Variants in DOCK5 observed in about 807,000 individuals in gnomAD.
DOCK5 encodes the protein dedicator of cytokinesis protein 5.
A neutral mutation model predicts 251.8 loss-of-function variants in DOCK5; 142 were observed. The observed-to-expected ratio is 0.56, with a 90% CI of 0.49 to 0.65. The LOEUF is 0.65. DOCK5 is among the 30% of genes least tolerant of loss of function. The pLI, the probability that DOCK5 is intolerant of heterozygous loss-of-function variation, is 0.00. For missense variants in DOCK5, 2,111 were observed against 2,312.3 expected (o/e 0.91, Z 1.79); for synonymous variants, 842 against 835.5 (o/e 1.01, Z -0.13).
Position 25,325,520 on chromosome 8 carries a change from A to G in DOCK5, c.1876A>G (p.Ile626Val), listed in dbSNP as rs542835101. Residue 626 changes from isoleucine to valine, a missense_variant, in exon 18 of 52, where the codon ATC becomes GTC. Physicochemically the swap from Ile to Val is conservative, Grantham distance 29 (BLOSUM62 3). This residue lies in a region of DOCK5 where 1,717 missense variants were observed against 1,892.4 expected (regional missense o/e 0.91). Coordinates refer to ENST00000276440, the MANE Select transcript of DOCK5 (RefSeq NM_024940.8). ...AGACAGCTTTCAGATTGCCACCCTC[A>G]TCTGCTCCACAAAGCTCACCCAGAA... ...TKDSFQIATL[I>V]CSTKLTQNVD... 1.2e-6 allele frequency: 2 copies of G among 1,613,766 alleles called. No homozygotes were observed. Among genetic ancestry groups the G allele is most frequent in the South Asian group, 1.1e-5 (1 of 91,072 alleles).
At chr8:25,383,029 C>G (rs968740562) in intron 40 of DOCK5, among the ~76,000 whole-genome samples, 8 of 152,132 alleles carry the variant, frequency 5.3e-5, no homozygotes, top group African/African-American at 1.2e-4. Context: ...AACCATCCCC[C>G]GCACTGGTCA....
intron 12 of DOCK5, among the ~76,000 whole-genome samples, chr8:25,309,612 A>G (rs1213812044): frequency 1.3e-5 from 2 of 152,238 alleles, no homozygotes; most frequent in African/African-American, 2.4e-5. Flanking sequence ...ACAGATGAAT[A>G]TGTATTAATA....
intron 1 of DOCK5, among the ~76,000 whole-genome samples, chr8:25,211,829 A>T (rs115158017): frequency 0.019 from 1,292 of 68,588 alleles, 377 homozygotes; most frequent in African/African-American, 0.041. Context: ...ATTAATTAAT[A>T]AATGCTATCT....
At chr8:25,319,436 C>T (rs1250592870) in intron 14 of DOCK5, 142 bp from the exon 15 acceptor site, 11 of 528,594 alleles carry the variant, frequency 2.1e-5, no homozygotes, top group Admixed American at 3.4e-5. Flanking sequence ...TTCTTCATCC[C>T]CCAAACTTAA....
chr8:25,318,432 C>CT (rs570705289), intron 14 of DOCK5, among the ~76,000 whole-genome samples: 8 of 150,472 alleles, frequency 5.3e-5, no homozygotes, highest in Non-Finnish European at 8.9e-5. Context: ...CTTTTCTTTT[C>CT]TTTTTTTTTC....
At chr8:25,283,422 G>A (rs1804252489) in intron 5 of DOCK5, among the ~76,000 whole-genome samples, 1 of 152,258 alleles carries the variant, frequency 6.6e-6, no homozygotes, top group South Asian at 2.1e-4. Context: ...TCTGCTGGAT[G>A]TTGTTCCTCT....
chr8:25,245,815 C>T (rs1011556981), intron 2 of DOCK5, among the ~76,000 whole-genome samples: 10 of 152,146 alleles, frequency 6.6e-5, no homozygotes, highest in Non-Finnish European at 1.5e-4. Flanking sequence ...ACTGGAATTA[C>T]AGGTGTGAGC....
chr8:25,374,886 C>T, intron 37 of DOCK5: 1 of 1,342,906 alleles, frequency 7.4e-7, no homozygotes, highest in East Asian at 3.2e-5. Flanking sequence ...GACTTATGAA[C>T]CTTTGGTAAT....
At chr8:25,248,545 A>G (rs973723333) in intron 2 of DOCK5, among the ~76,000 whole-genome samples, 1 of 151,820 alleles carries the variant, frequency 6.6e-6, no homozygotes, top group South Asian at 2.1e-4. Context: ...TGCCCTCGAG[A>G]TGTCTGCATA....
intron 2 of DOCK5, among the ~76,000 whole-genome samples, chr8:25,255,633 T>C (rs1426994827): frequency 2.0e-5 from 3 of 152,118 alleles, no homozygotes; most frequent in African/African-American, 7.2e-5. Flanking sequence ...TCCATACCCA[T>C]AGAAGGCACA....
chr8:25,325,296 A>G, intron 17 of DOCK5, 68 bp from the exon 18 acceptor site: 1 of 1,527,546 alleles, frequency 6.5e-7, no homozygotes, highest in Non-Finnish European at 8.9e-7. Flanking sequence ...TGCATGATAG[A>G]AATTGTTTTT....
At chr8:25,255,053 C>A (rs925308402) in intron 2 of DOCK5, among the ~76,000 whole-genome samples, 31 of 152,118 alleles carry the variant, frequency 2.0e-4, no homozygotes, top group Non-Finnish European at 1.3e-4. Context: ...ACTGACAACA[C>A]CAAATGCTGC....
At chr8:25,285,742 C>T (rs938839534) in intron 5 of DOCK5, among the ~76,000 whole-genome samples, 1 of 152,202 alleles carries the variant, frequency 6.6e-6, no homozygotes, top group Admixed American at 6.5e-5. Flanking sequence ...TTAAGCTGGT[C>T]TCATGGTTTG....
intron 37 of DOCK5, chr8:25,376,619 G>T (rs1800967930): frequency 6.4e-6 from 1 of 156,220 alleles, no homozygotes; most frequent in African/African-American, 2.4e-5. Context: ...TTAATTTAGT[G>T]AGAATTTACA....
intron 1 of DOCK5, among the ~76,000 whole-genome samples, chr8:25,214,345 C>T (rs1346862085): frequency 1.3e-5 from 2 of 152,024 alleles, no homozygotes; most frequent in African/African-American, 4.8e-5. Context: ...CAGGAGGGCA[C>T]AGAGAGGTGA....
At chr8:25,399,092 G>C (rs1801394438) in intron 45 of DOCK5, among the ~76,000 whole-genome samples, 1 of 152,216 alleles carries the variant, frequency 6.6e-6, no homozygotes, top group Non-Finnish European at 1.5e-5. Flanking sequence ...TTTCAGAAAT[G>C]AATGTTAAGG....
chr8:25,386,810 C>T (rs1567124), intron 40 of DOCK5, among the ~76,000 whole-genome samples: 1 of 151,930 alleles, frequency 6.6e-6, no homozygotes, highest in African/African-American at 2.4e-5. Flanking sequence ...AAAGCATTCT[C>T]GTCTAAATCA....
At chr8:25,405,195 CTTTTA>C (rs965017476) in intron 48 of DOCK5, among the ~76,000 whole-genome samples, 4 of 150,752 alleles carry the variant, frequency 2.7e-5, no homozygotes, top group Admixed American at 6.6e-5. Flanking sequence ...TATAATCAAT[CTTTTA>C]TTTTATGACT....
chr8:25,365,331 G>A lies in DOCK5; in HGVS notation c.3123+627G>A, dbSNP rs187067457. 1.4e-3 allele frequency among the ~76,000 whole-genome samples: 206 copies of A among 152,308 alleles called. 6 individuals carry two copies. In the South Asian group the frequency reaches 0.024, roughly 18 times the overall value. On this transcript the variant is annotated intron_variant, in intron 30 of 51. Transcript: ENST00000276440. ...TTCCAGAGTACTCTGCATTTTGTGG[G>A]TGATGTGCTTTCTGTGTTCTTTGTC... is the stretch of plus-strand genomic sequence containing the variant.
Sources: allele counts gnomAD v4.1 joint callset (sites outside exome capture counted in the v4.1 genomes callset), GRCh38; gene constraint gnomAD v4.1.1; regional missense constraint gnomAD v4.1.1; transcripts MANE v1.5; gene names NCBI Gene and HGNC (gene_info 2026-07-23, HGNC 2026-07-21).